PPP2R5C: variants seen among roughly 807,000 people sequenced by gnomAD.
PPP2R5C encodes serine/threonine-protein phosphatase 2A 56 kDa regulatory subunit gamma isoform.
A neutral mutation model predicts 68.9 loss-of-function variants in PPP2R5C; 7 were observed. The observed-to-expected ratio is 0.10, with a 90% confidence interval of 0.06 to 0.19. PPP2R5C has a LOEUF of 0.19. Among genes scored for constraint, PPP2R5C ranks in the 10% least tolerant of loss-of-function variants. The pLI is 1.00. For missense variants in PPP2R5C, 348 were observed against 641.3 expected (o/e 0.54, Z 4.94); for synonymous variants, 210 against 222.2 (o/e 0.95, Z 0.49).
chr14:101,867,313 G>A (rs1275630599), intron 2 of PPP2R5C, among the ~76,000 whole-genome samples: 1 of 152,228 alleles, frequency 6.6e-6, no homozygotes, highest in East Asian at 1.9e-4. Flanking sequence ...CGGGGCTGAG[G>A]TGGGAGGCTT....
At chr14:101,818,949 T>C (rs1025558152) in intron 1 of PPP2R5C, 2 of 1,419,876 alleles carry the variant, frequency 1.4e-6, no homozygotes, top group Non-Finnish European at 1.9e-6. Flanking sequence ...CTAATTATGG[T>C]ATTTTAACTT....
intron 3 of PPP2R5C, among the ~76,000 whole-genome samples, chr14:101,801,909 T>C (rs1458374747): frequency 6.6e-6 from 1 of 152,094 alleles, no homozygotes; most frequent in Non-Finnish European, 1.5e-5. Flanking sequence ...AACACCAAAG[T>C]TGGAGGACTC....
In PPP2R5C at chr14:101,836,244, C is replaced by T. The variant is rs776019264; in HGVS notation, c.95-20442C>T. On this transcript the variant is annotated intron_variant, in intron 1 of 13. Transcript: ENST00000334743. ...CCTGACCTTCAGCTGTGGCCGCCTA[C>T]GGAGCAGCAGGGAGAGCAAACCCAT... 28 of 702,752 alleles carry T rather than the reference C, an allele frequency of 4.0e-5. 1 individual carries two copies. Among genetic ancestry groups the T allele is most frequent in the South Asian group, 2.5e-4 (17 of 67,592 alleles). The allele number at this position is 702,752 out of a possible 1,614,324, so 43.5% of individuals were successfully genotyped here.
intron 2 of PPP2R5C, chr14:101,767,114 G>A (rs1341051425): frequency 1.3e-5 from 2 of 152,136 alleles, no homozygotes; most frequent in East Asian, 1.9e-4. Context: ...ATCTGTTGCT[G>A]AAGAGAAAGA....
chr14:101,824,364 C>A, intron 1 of PPP2R5C: 1 of 330,448 alleles, frequency 3.0e-6, no homozygotes, highest in Non-Finnish European at 5.5e-6. Context: ...AGGAAAGCAT[C>A]AAGAAATATT....
exon 2 of PPP2R5C, chr14:101,856,847 G>A (rs756391729): frequency 6.2e-7 from 1 of 1,614,152 alleles, no homozygotes; most frequent in Non-Finnish European, 8.5e-7. Context: ...TAATCGGAAT[G>A]TGATCACAGA....
chr14:101,827,417 G>A (rs1014564463), intron 1 of PPP2R5C, among the ~76,000 whole-genome samples: 1 of 152,142 alleles, frequency 6.6e-6, no homozygotes, highest in Non-Finnish European at 1.5e-5. Flanking sequence ...CTGCCTGCTG[G>A]AGTTCTTAGA....
At chr14:101,919,224 C>T (rs572659394) in intron 13 of PPP2R5C, among the ~76,000 whole-genome samples, 7 of 152,320 alleles carry the variant, frequency 4.6e-5, no homozygotes, top group African/African-American at 1.7e-4. Flanking sequence ...TCTAATTCCT[C>T]AACTCAGGTT....
At chr14:101,885,711 T>A (rs1005061739) in intron 5 of PPP2R5C, among the ~76,000 whole-genome samples, 2 of 152,218 alleles carry the variant, frequency 1.3e-5, no homozygotes, top group African/African-American at 4.8e-5. Context: ...CCTGACACAT[T>A]AACTATAACA....
intron 3 of PPP2R5C, among the ~76,000 whole-genome samples, chr14:101,792,956 C>T (rs912086257): frequency 5.9e-5 from 9 of 151,828 alleles, no homozygotes; most frequent in Non-Finnish European, 8.8e-5. Context: ...TGGCTCCCTG[C>T]AGCCTCCGCC....
chr14:101,841,753 G>A (rs2041488018), intron 1 of PPP2R5C, among the ~76,000 whole-genome samples: 1 of 152,206 alleles, frequency 6.6e-6, no homozygotes, highest in Non-Finnish European at 1.5e-5. Context: ...CTGTCAAAGG[G>A]GACCCTTTGA....
chr14:101,925,819 C>T (rs2047268607), exon 14 of PPP2R5C: 1 of 152,640 alleles, frequency 6.6e-6, no homozygotes, highest in South Asian at 2.1e-4. Context: ...AAATGACAAT[C>T]CTCAGCCGCT....
At chr14:101,919,563 G>A (rs992421010) in intron 13 of PPP2R5C, among the ~76,000 whole-genome samples, 1 of 152,014 alleles carries the variant, frequency 6.6e-6, no homozygotes, top group Non-Finnish European at 1.5e-5. Context: ...AGTTGACCTT[G>A]TTACTGCACA....
intron 11 of PPP2R5C, among the ~76,000 whole-genome samples, chr14:101,911,170 C>G (rs1175778484): frequency 6.7e-6 from 1 of 148,272 alleles, no homozygotes; most frequent in Non-Finnish European, 1.5e-5. Flanking sequence ...CCCAGCTACT[C>G]GGGCTGAGGC....
intron 1 of PPP2R5C, among the ~76,000 whole-genome samples, chr14:101,817,127 T>C (rs1272386037): frequency 6.6e-6 from 1 of 151,294 alleles, no homozygotes; most frequent in East Asian, 1.9e-4. Context: ...CCAGCTAATA[T>C]TTTGTATTTT....
intron 1 of PPP2R5C, among the ~76,000 whole-genome samples, chr14:101,830,857 T>A (rs569282779): frequency 3.9e-5 from 6 of 152,232 alleles, no homozygotes; most frequent in African/African-American, 1.4e-4. Context: ...TAATTTAAAG[T>A]AAAATGGAAG....
intron 1 of PPP2R5C, among the ~76,000 whole-genome samples, chr14:101,847,725 T>C (rs1043706269): frequency 3.4e-5 from 5 of 146,348 alleles, no homozygotes; most frequent in East Asian, 2.0e-4. Context: ...TGTGGTGGCG[T>C]GATCTCAGCT....
intron 13 of PPP2R5C, among the ~76,000 whole-genome samples, chr14:101,923,672 A>G (rs2047133532): frequency 6.6e-6 from 1 of 152,236 alleles, no homozygotes; most frequent in African/African-American, 2.4e-5. Flanking sequence ...AGTGAATGTT[A>G]ATATTCAAAT....
At chr14:101,805,512 A>G (rs1480041587), upstream of PPP2R5C, among the ~76,000 whole-genome samples, 1 of 152,234 alleles carries the variant, frequency 6.6e-6, no homozygotes, top group Non-Finnish European at 1.5e-5. Flanking sequence ...GAAAAAAATA[A>G]AAATAGAACT....
Sources: gnomAD v4.1 joint callset for allele counts (sites outside exome capture counted in the v4.1 genomes callset) on GRCh38, gnomAD v4.1.1 for gene constraint, MANE v1.5 for transcripts, NCBI Gene and HGNC (gene_info 2026-07-23, HGNC 2026-07-21) for gene names.